FAM186A: variants seen among roughly 807,000 people sequenced by gnomAD.
The protein encoded by FAM186A is family with sequence similarity 186 member A, also known as protein FAM186A.
A neutral mutation model predicts 216.8 loss-of-function variants in FAM186A; 163 were observed. The observed-to-expected ratio is 0.75, with a 90% CI of 0.66 to 0.86. The LOEUF (loss-of-function observed/expected upper bound fraction) is 0.86. Among genes scored for constraint, FAM186A ranks in the 40% least tolerant of loss-of-function variants. The pLI, the probability that FAM186A is intolerant of heterozygous loss-of-function variation, is 0.00. For synonymous variants in FAM186A, 805 were observed against 1,025.3 expected, an observed-to-expected ratio of 0.79 and a Z score of 4.10; for missense variants, 2,184 against 2,746.2, an observed-to-expected ratio of 0.80 and a Z score of 4.58.
chr12:50,375,247 C>T lies in FAM186A; in HGVS notation c.193-11883G>A, dbSNP rs553772925. On this transcript the variant is annotated intron_variant, in intron 1 of 7. Transcript: ENST00000327337. ...ACCATTTATTTACACTAGCGATATA[C>T]AATTACAAACTGAAATTTGGCCGAG... 3.3e-5 allele frequency among the ~76,000 whole-genome samples: 5 copies of T among 152,024 alleles called. No homozygotes were observed. The South Asian group carries it at 1.0e-3, about 32-fold the overall frequency.
At chr12:50,366,966 A>T (rs2136099464) in intron 1 of FAM186A, among the ~76,000 whole-genome samples, 1 of 152,006 alleles carries the variant, frequency 6.6e-6, no homozygotes, top group East Asian at 1.9e-4. Flanking sequence ...GTAAGCCATG[A>T]TTATGCCACT....
chr12:50,385,812 G>A (rs1370722348), intron 1 of FAM186A, among the ~76,000 whole-genome samples: 4 of 151,812 alleles, frequency 2.6e-5, no homozygotes, highest in African/African-American at 9.7e-5. Context: ...TGAGGCAGGA[G>A]AATTGCTTGA....
intron 1 of FAM186A, among the ~76,000 whole-genome samples, chr12:50,367,005 C>T (rs1943095883): frequency 1.3e-5 from 2 of 151,730 alleles, no homozygotes; most frequent in Non-Finnish European, 2.9e-5. Context: ...CAGAGTGAGC[C>T]CCGGTCTTAA....
At chr12:50,336,462 G>A (rs988522678) in intron 4 of FAM186A, among the ~76,000 whole-genome samples, 5 of 152,102 alleles carry the variant, frequency 3.3e-5, no homozygotes, top group Non-Finnish European at 5.9e-5. Flanking sequence ...GGGGTAGACG[G>A]GTGGGGTGCT....
chr12:50,370,308 AAAAAAC>A (rs973339710), intron 1 of FAM186A, among the ~76,000 whole-genome samples: 1 of 151,770 alleles, frequency 6.6e-6, no homozygotes, highest in Non-Finnish European at 1.5e-5. Context: ...CATACCCCCC[AAAAAAC>A]AAAAACAAAA....
At chr12:50,357,603 G>A (rs536106115) in intron 3 of FAM186A, among the ~76,000 whole-genome samples, 1 of 152,042 alleles carries the variant, frequency 6.6e-6, no homozygotes, top group African/African-American at 2.4e-5. Flanking sequence ...ATAAAACAGG[G>A]CAAAACTGCC....
chr12:50,373,009 A>G (rs1393442514), intron 1 of FAM186A, among the ~76,000 whole-genome samples: 1 of 94,718 alleles, frequency 1.1e-5, no homozygotes, highest in Non-Finnish European at 2.1e-5. Flanking sequence ...GAAAGAAAGA[A>G]AGAAAGAAAG....
chr12:50,378,900 T>A (rs1338639568), intron 1 of FAM186A, among the ~76,000 whole-genome samples: 6 of 152,212 alleles, frequency 3.9e-5, no homozygotes, highest in African/African-American at 1.4e-4. Context: ...TGTGTAAGGT[T>A]ACTTTCTGCA....
Position 50,354,491 on chromosome 12 carries a change from A to G in FAM186A, c.2341T>C (p.Tyr781His). The change falls in exon 4 of 8, where the codon TAT (tyrosine) becomes CAT (histidine). Residue 781 changes from tyrosine (Y) to histidine (H), a missense_variant. Physicochemically the swap from Tyr to His is moderately conservative, Grantham distance 83. Transcript: ENST00000327337. The part of the protein sequence containing the change: ...AKSESSTLLS[Y>H]ESTDPVINNL... Reference sequence around the variant, plus strand: ...TTAATTACTGGATCTGTGCTCTCATATGAGAGGAGGGTACTGCTTTCAGAT... The same window carrying G: ...TTAATTACTGGATCTGTGCTCTCATGTGAGAGGAGGGTACTGCTTTCAGAT... 2.6e-6 allele frequency: 4 copies of G among 1,551,626 alleles called. No individual in the cohort carries two copies. The highest frequency in any genetic ancestry group is 3.5e-6 in the Non-Finnish European group (4 of 1,146,998).
Position 50,331,715 on chromosome 12 carries a change from A to C in FAM186A, c.6803T>G (p.Leu2268Ter). Reference protein sequence around the residue: ...TTFVQKPFLKLLMEEDRTSDI... With the variant: ...TTFVQKPFLK Reference sequence around the variant, plus strand: ...AGAGGTTCTGTCCTCTTCCATTAGTAATTTTAAGAATGGCTTTTGAACAAA... The same window carrying C: ...AGAGGTTCTGTCCTCTTCCATTAGTCATTTTAAGAATGGCTTTTGAACAAA... The change falls in exon 6 of 8, where the codon TTA becomes TGA. Residue 2268 changes from leucine to a stop codon, truncating the protein, a stop_gained. Coordinates refer to ENST00000327337, the MANE Select transcript of FAM186A (RefSeq NM_001145475.3). LOFTEE classifies it high-confidence loss of function. The C allele has an allele frequency of 6.5e-7, 1 of 1,549,320 alleles. No individual in the cohort carries two copies. Among genetic ancestry groups the C allele is most frequent in the South Asian group, 1.2e-5 (1 of 83,178 alleles).
chr12:50,367,256 C>G lies in FAM186A; in HGVS notation c.193-3892G>C, dbSNP rs558802833. Among the ~76,000 whole-genome samples the G allele has an allele frequency of 9.2e-5, 14 of 152,140 alleles. No individual in the cohort carries two copies. In the East Asian group the frequency reaches 1.7e-3, roughly 19 times the overall value. On this transcript the variant is annotated intron_variant, in intron 1 of 7. Coordinates refer to ENST00000327337, the MANE Select transcript of FAM186A (RefSeq NM_001145475.3). ...AATAAAGGCCAGACACGGTGCCTCACGCCTGTAATCCTAGCACTTTGGGAG... is the reference window on the plus strand; with the variant it reads ...AATAAAGGCCAGACACGGTGCCTCAGGCCTGTAATCCTAGCACTTTGGGAG...
intron 4 of FAM186A, among the ~76,000 whole-genome samples, chr12:50,340,594 C>T (rs939570653): frequency 2.7e-4 from 41 of 151,238 alleles, no homozygotes; most frequent in African/African-American, 7.5e-4. Context: ...CAGGTCGCTT[C>T]GGCCCAGGAG....
At chr12:50,390,674 G>A (rs1159432863) in intron 1 of FAM186A, among the ~76,000 whole-genome samples, 1 of 152,080 alleles carries the variant, frequency 6.6e-6, no homozygotes, top group Non-Finnish European at 1.5e-5. Flanking sequence ...CAAATTCAGT[G>A]ACTACAGTTC....
chr12:50,396,098 A>G (rs1298900207), intron 1 of FAM186A, among the ~76,000 whole-genome samples, 195 bp downstream of exon 1: 1 of 152,198 alleles, frequency 6.6e-6, no homozygotes, highest in African/African-American at 2.4e-5. Context: ...TAAACCTGAT[A>G]TAAAGAGATT....
At chr12:50,341,085 C>A (rs919724098) in intron 4 of FAM186A, among the ~76,000 whole-genome samples, 2 of 152,184 alleles carry the variant, frequency 1.3e-5, no homozygotes, top group African/African-American at 4.8e-5. Flanking sequence ...GCATGAGCCA[C>A]CGCGCCCAGC....
intron 4 of FAM186A, among the ~76,000 whole-genome samples, chr12:50,344,136 A>C (rs1278514813): frequency 6.6e-6 from 1 of 150,724 alleles, no homozygotes; most frequent in East Asian, 1.9e-4. Flanking sequence ...TTTACTTTAG[A>C]TTCAGAGGGT....
At position 50,355,420 on chromosome 12, in the gene FAM186A, G is replaced by T. The variant is rs1195718443; in HGVS notation, c.1412C>A (p.Thr471Asn). ...ATTATCACTCAGATTTGGTCCAGAG[G>T]TCTCATATACATATGTGGCTTTTTT... ...SHKKATYVYE[T>N]SGPNLSDNKS... The change falls in exon 4 of 8, where the codon ACC becomes AAC. Residue 471 changes from threonine to asparagine, a missense_variant. Thr to Asn is a moderately conservative substitution (Grantham distance 65, BLOSUM62 0). Transcript: ENST00000327337. 2.6e-6 allele frequency: 4 copies of T among 1,551,338 alleles called. No homozygotes were observed. The highest frequency in any genetic ancestry group is 3.5e-6 in the Non-Finnish European group (4 of 1,146,980).
At chr12:50,329,114 C>T (rs1050701675) in intron 7 of FAM186A, among the ~76,000 whole-genome samples, 4 of 151,954 alleles carry the variant, frequency 2.6e-5, no homozygotes, top group East Asian at 1.9e-4. Flanking sequence ...AGGAAGACTC[C>T]GTCTCGAAAA....
chr12:50,351,076 G>T lies in FAM186A; in HGVS notation c.5756C>A (p.Ala1919Asp), dbSNP rs1245590809. The T allele has an allele frequency of 3.9e-6, 6 of 1,551,408 alleles. 1 individual carries two copies. The Admixed American group carries it at 1.2e-4, about 30-fold the overall frequency. Residue 1919 changes from alanine (A) to aspartate (D), a missense_variant, in exon 4 of 8, where the codon GCT becomes GAT. Around this residue, in one of 7 missense-constraint regions of FAM186A, gnomAD observed 721 missense variants for 816.4 expected, o/e 0.88. Coordinates refer to ENST00000327337, the MANE Select transcript of FAM186A (RefSeq NM_001145475.3). Reference protein sequence around the residue: ...HLATWTLPGRASSLWIPPTSR... With the variant: ...HLATWTLPGRDSSLWIPPTSR... ...GGTGGGAGGGATCCATAATGAAGAA[G>T]CTCGCCCAGGAAGGGTCCATGTTGC...
Sources: allele counts gnomAD v4.1 joint callset (sites outside exome capture counted in the v4.1 genomes callset), GRCh38; gene constraint gnomAD v4.1.1; regional missense constraint gnomAD v4.1.1; transcripts MANE v1.5; gene names NCBI Gene and HGNC (gene_info 2026-07-23, HGNC 2026-07-21).